The following HERC3 variants were observed in gnomAD, a reference collection of about 807,000 sequenced individuals.
HERC3 encodes probable E3 ubiquitin-protein ligase HERC3.
A neutral mutation model predicts 129.9 loss-of-function variants in HERC3; 58 were observed. The ratio of observed to expected loss-of-function variants is 0.45; its 90% confidence interval spans 0.36 to 0.56. HERC3 has a LOEUF of 0.56. Among genes scored for constraint, HERC3 ranks in the 20% least tolerant of loss-of-function variants. The pLI, the probability that HERC3 is intolerant of heterozygous loss-of-function variation, is 0.00. For missense variants in HERC3, 835 were observed against 1,244.2 expected, an observed-to-expected ratio of 0.67 and a Z score of 4.95; for synonymous variants, 430 against 451.0, an observed-to-expected ratio of 0.95 and a Z score of 0.59.
At chr4:88,657,186 T>G (rs1246258089) in intron 9 of HERC3, 1 of 152,204 alleles carries the variant, frequency 6.6e-6, no homozygotes, top group Admixed American at 6.5e-5. Context: ...AGTGACACAC[T>G]TATGGCTTGA....
the HERC3 span, among the ~76,000 whole-genome samples, chr4:88,570,947 A>G: frequency 1.5e-5 from 2 of 132,930 alleles, no homozygotes; most frequent in Non-Finnish European, 3.0e-5. Context: ...TTTAGTAGAG[A>G]TGGGGTTTCA....
At chr4:88,679,769 C>T (rs543977179) in intron 19 of HERC3, among the ~76,000 whole-genome samples, 22 of 152,280 alleles carry the variant, frequency 1.4e-4, no homozygotes, top group African/African-American at 3.9e-4. Flanking sequence ...CTGCCTGCCT[C>T]GGCCTCCCAA....
chr4:88,593,628 A>T (rs1722002276), intron 1 of HERC3: 1 of 152,196 alleles, frequency 6.6e-6, no homozygotes, highest in Non-Finnish European at 1.5e-5. Context: ...GCTTGCATTC[A>T]TCACGCATAG....
intron 3 of HERC3, among the ~76,000 whole-genome samples, chr4:88,606,642 A>G (rs1723672204): frequency 6.6e-6 from 1 of 152,202 alleles, no homozygotes. Context: ...GCAGAAGGTG[A>G]AAGGCATGTT....
At chr4:88,579,229 A>T in the HERC3 span, among the ~76,000 whole-genome samples, 1 of 98,174 alleles carries the variant, frequency 1.0e-5, no homozygotes, top group African/African-American at 1.0e-4. Flanking sequence ...TAAAAAAAAA[A>T]AAAATATATA....
At chr4:88,684,098 G>T (rs1029234268) in intron 21 of HERC3, among the ~76,000 whole-genome samples, 1 of 152,056 alleles carries the variant, frequency 6.6e-6, no homozygotes, top group Non-Finnish European at 1.5e-5. Context: ...TTGACTTTCT[G>T]TTCAGAATTA....
the HERC3 span, among the ~76,000 whole-genome samples, chr4:88,546,250 C>T: frequency 6.6e-6 from 1 of 152,078 alleles, no homozygotes; most frequent in Non-Finnish European, 1.5e-5. Flanking sequence ...GAAGTTGCAC[C>T]AGCTAGGATA....
At chr4:88,620,975 T>C (rs912967913) in intron 3 of HERC3, among the ~76,000 whole-genome samples, 4 of 152,198 alleles carry the variant, frequency 2.6e-5, no homozygotes, top group African/African-American at 9.7e-5. Context: ...TTTATCCCTA[T>C]CTGATATTAT....
At chr4:88,686,688 A>G (rs377544599) in intron 21 of HERC3, 48 bp from the exon 22 acceptor site, 2 of 1,175,874 alleles carry the variant, frequency 1.7e-6, no homozygotes, top group Non-Finnish European at 2.6e-6. Context: ...ACACTGTTGC[A>G]GCAGTGTCTG....
At chr4:88,687,515 C>T (rs1424822267) in intron 23 of HERC3, among the ~76,000 whole-genome samples, 1 of 152,202 alleles carries the variant, frequency 6.6e-6, no homozygotes, top group Non-Finnish European at 1.5e-5. Context: ...AGTTCTAGAG[C>T]TGCATCTTTT....
At chr4:88,675,135 C>T (rs1256540748) in intron 16 of HERC3, among the ~76,000 whole-genome samples, 1 of 152,186 alleles carries the variant, frequency 6.6e-6, no homozygotes, top group African/African-American at 2.4e-5. Context: ...TGGATGTGGC[C>T]TGCCTGCTGT....
At chr4:88,541,202 C>T in the HERC3 span, among the ~76,000 whole-genome samples, 3 of 152,020 alleles carry the variant, frequency 2.0e-5, no homozygotes, top group Admixed American at 6.6e-5. Context: ...ACCTATCTCA[C>T]GTGCAGAGAC....
chr4:88,605,899 C>T lies in HERC3; in HGVS notation c.76C>T (p.Gln26Ter). 1 of 1,614,188 alleles carries T rather than the reference C, an allele frequency of 6.2e-7. No individual in the cohort carries two copies. Among genetic ancestry groups the T allele is most frequent in the Non-Finnish European group, 8.5e-7 (1 of 1,180,044 alleles). Residue 26 changes from glutamine (Q) to a stop codon, truncating the protein, a stop_gained, in exon 3 of 26, where the codon CAG becomes TAG. Coordinates refer to ENST00000402738, the MANE Select transcript of HERC3 (RefSeq NM_014606.3). LOFTEE classifies it high-confidence loss of function. ...TNLQGIVAEP[Q>*]VCGFISDRSV... ...CCTGCAGGGAATTGTGGCTGAGCCCCAGGTGTGTGGGTTCATATCTGACAG... is the reference window on the plus strand; with the variant it reads ...CCTGCAGGGAATTGTGGCTGAGCCCTAGGTGTGTGGGTTCATATCTGACAG...
At chr4:88,607,438 C>G (rs140732552) in intron 3 of HERC3, among the ~76,000 whole-genome samples, 1 of 151,902 alleles carries the variant, frequency 6.6e-6, no homozygotes, top group Middle Eastern at 3.2e-3. Context: ...ATATTTTAAG[C>G]TTGTTGATTT....
At chr4:88,698,828 C>T (rs1734969846) in intron 23 of HERC3, among the ~76,000 whole-genome samples, 1 of 148,818 alleles carries the variant, frequency 6.7e-6, no homozygotes, top group Non-Finnish European at 1.5e-5. Flanking sequence ...CACTCACTGC[C>T]TCCTTCCTCA....
chr4:88,676,340 G>GT lies in HERC3; in HGVS notation c.1943dup (p.Thr649AsnfsTer10), dbSNP rs757879476. On this transcript the variant is annotated frameshift_variant, in exon 18 of 26. Coordinates refer to ENST00000402738, the MANE Select transcript of HERC3 (RefSeq NM_014606.3). LOFTEE classifies it high-confidence loss of function. ...ATAATGTGCTTTATTCTAGGATACTGTAACACTTTGTTCCTACCCTTTCAT... is the reference window on the plus strand; with the variant it reads ...ATAATGTGCTTTATTCTAGGATACTGTTAACACTTTGTTCCTACCCTTTCAT... 6 of 1,610,708 alleles carry GT rather than the reference G, an allele frequency of 3.7e-6. No individual in the cohort carries two copies. Among genetic ancestry groups the GT allele is most frequent in the Non-Finnish European group, 2.5e-6 (3 of 1,177,042 alleles).
chr4:88,640,032 A>C (rs1056965682), intron 3 of HERC3, among the ~76,000 whole-genome samples: 5 of 152,252 alleles, frequency 3.3e-5, no homozygotes, highest in Non-Finnish European at 5.9e-5. Flanking sequence ...ATGAGATACC[A>C]TCTCACACCA....
chr4:88,660,345 G>A (rs955897114), intron 10 of HERC3, among the ~76,000 whole-genome samples: 1 of 152,048 alleles, frequency 6.6e-6, no homozygotes, highest in African/African-American at 2.4e-5. Context: ...GGGATTACAG[G>A]CGTCCGCTAC....
chr4:88,655,451 G>C lies in HERC3; in HGVS notation c.908+147G>C, dbSNP rs1578252852. On this transcript the variant is annotated intron_variant, in intron 8 of 25. Transcript: ENST00000402738. ...ACGCCTATGGTGAAATGTGGAGAAA[G>C]ACCTTGATAGAGTGTGGCAAGGAAG... 3 of 918,878 alleles carry C rather than the reference G, an allele frequency of 3.3e-6. No individual in the cohort carries two copies. In the East Asian group the frequency reaches 7.8e-5, roughly 24 times the overall value. The allele number at this position is 918,878 out of a possible 1,614,324, so 56.9% of individuals were successfully genotyped here.
Sources: allele counts gnomAD v4.1 joint callset (sites outside exome capture counted in the v4.1 genomes callset), GRCh38; gene constraint gnomAD v4.1.1; transcripts MANE v1.5; gene names NCBI Gene and HGNC (gene_info 2026-07-23, HGNC 2026-07-21).